The following FRMD3 variants were observed in gnomAD, a reference collection of about 807,000 sequenced individuals.
The protein encoded by FRMD3 is FERM domain-containing protein 3.
In FRMD3, 33 loss-of-function variants were observed where a neutral mutation model predicts 70.2. The ratio of observed to expected loss-of-function variants is 0.47; its 90% CI spans 0.36 to 0.63. The LOEUF is 0.63. Ranked by LOEUF, FRMD3 falls within the 20% of genes least tolerant of loss-of-function variation. FRMD3 has a pLI of 0.00. For synonymous variants in FRMD3, 279 were observed against 255.9 expected (o/e 1.09, Z -0.86); for missense variants, 632 against 711.4 (o/e 0.89, Z 1.27).
At chr9:83,533,434 C>T (rs1335919657) in intron 1 of FRMD3, among the ~76,000 whole-genome samples, 1 of 152,140 alleles carries the variant, frequency 6.6e-6, no homozygotes, top group Non-Finnish European at 1.5e-5. Flanking sequence ...TAAACTGTAG[C>T]ATCCATCTAA....
intron 3 of FRMD3, among the ~76,000 whole-genome samples, chr9:83,351,356 G>T: frequency 2.1e-5 from 1 of 47,500 alleles, no homozygotes; most frequent in Non-Finnish European, 4.9e-5. Flanking sequence ...ACACACACTA[G>T]AACTCTTTTC....
intron 13 of FRMD3, among the ~76,000 whole-genome samples, chr9:83,286,366 T>A (rs1453690515): frequency 6.6e-6 from 1 of 151,944 alleles, no homozygotes; most frequent in African/African-American, 2.4e-5. Context: ...AGTTTCGCTC[T>A]TGTTGCCCAG....
intron 1 of FRMD3, among the ~76,000 whole-genome samples, chr9:83,458,973 T>C (rs969176583): frequency 6.6e-6 from 1 of 152,248 alleles, no homozygotes; most frequent in African/African-American, 2.4e-5. Context: ...AGACATTTTG[T>C]TATACTCAGC....
In FRMD3 at chr9:83,530,279, C is replaced by T. The variant is rs555702698; in HGVS notation, c.147+7806G>A. ...ATCAACAAAATGTGATATATCTATG[C>T]AATGGACTGGACTACTATTCAACAA... On this transcript the variant is annotated intron_variant, in intron 1 of 13. Transcript: ENST00000304195. 2.0e-5 allele frequency among the ~76,000 whole-genome samples: 3 copies of T among 152,254 alleles called. No homozygotes were observed. In the East Asian group the frequency reaches 5.8e-4, roughly 29 times the overall value.
intron 6 of FRMD3, among the ~76,000 whole-genome samples, chr9:83,333,994 T>C (rs1823487498): frequency 1.3e-5 from 2 of 152,116 alleles, no homozygotes; most frequent in African/African-American, 4.8e-5. Context: ...AATAAGTGTA[T>C]ATTATTATCC....
At chr9:83,299,269 T>C in intron 10 of FRMD3, 83 bp from the exon 11 acceptor site, 1 of 775,348 alleles carries the variant, frequency 1.3e-6, no homozygotes, top group Non-Finnish European at 2.2e-6. Context: ...TGATGGGGTA[T>C]TTTTACTGCA....
chr9:83,351,680 AGTTACAT>A (rs1477821866), intron 3 of FRMD3, among the ~76,000 whole-genome samples: 162 of 121,712 alleles, frequency 1.3e-3, no homozygotes, highest in African/African-American at 5.1e-3. Context: ...GATGATTGAT[AGTTACAT>A]GATAGATAGA....
intron 5 of FRMD3, among the ~76,000 whole-genome samples, chr9:83,340,587 T>C (rs984816554): frequency 6.6e-6 from 1 of 152,180 alleles, no homozygotes; most frequent in African/African-American, 2.4e-5. Context: ...TCCTCTGTGG[T>C]GTTGTTTTGT....
rs558768142 is a variant in FRMD3, at chr9:83,317,992, T to A, written c.597-4245A>T. Among the ~76,000 whole-genome samples, 9 of 152,292 alleles carry A rather than the reference T, an allele frequency of 5.9e-5. No individual in the cohort carries two copies. In the South Asian group the frequency reaches 1.9e-3, roughly 32 times the overall value. ...AACCAGTAACCACGACTCCAACCTC[T>A]GCACAATAAGCAAAAGACTTAATAG... On this transcript the variant is annotated intron_variant, in intron 6 of 13. Coordinates refer to ENST00000304195, the MANE Select transcript of FRMD3 (RefSeq NM_174938.6).
At chr9:83,364,938 A>T (rs1172662792) in intron 3 of FRMD3, among the ~76,000 whole-genome samples, 1 of 152,224 alleles carries the variant, frequency 6.6e-6, no homozygotes, top group Non-Finnish European at 1.5e-5. Flanking sequence ...TATTCTATAA[A>T]TAATGGATTG....
At chr9:83,404,068 GCA>G (rs10552914) in intron 1 of FRMD3, among the ~76,000 whole-genome samples, 71,592 of 148,658 alleles carry the variant, frequency 0.48, 17,636 homozygotes, top group African/African-American at 0.64. Context: ...GCATACACAC[GCA>G]CACACACACA....
At chr9:83,298,714 A>G in intron 12 of FRMD3, 34 bp downstream of exon 12, 1 of 1,586,450 alleles carries the variant, frequency 6.3e-7, no homozygotes, top group Non-Finnish European at 8.7e-7. Flanking sequence ...CAGCTTTTAA[A>G]GCCACCTGGA....
chr9:83,345,698 A>G (rs932433655), intron 4 of FRMD3, among the ~76,000 whole-genome samples: 1 of 152,130 alleles, frequency 6.6e-6, no homozygotes, highest in East Asian at 1.9e-4. Flanking sequence ...CAGAAGTTAC[A>G]GTGAGCCGAG....
At chr9:83,357,263 A>T (rs868623067) in intron 3 of FRMD3, among the ~76,000 whole-genome samples, 6 of 63,038 alleles carry the variant, frequency 9.5e-5, no homozygotes, top group Non-Finnish European at 1.6e-4. Context: ...ATATATATAT[A>T]TATATATATA....
rs139415520 is a variant in FRMD3 at position 83,329,825 on chromosome 9, C to A, written c.596+5691G>T. On this transcript the variant is annotated intron_variant, in intron 6 of 13. Coordinates refer to ENST00000304195, the MANE Select transcript of FRMD3 (RefSeq NM_174938.6). ...TGATGACCTATGACTGAAGTTAATG[C>A]AAATGTCTCTGTCTCTAATGACAAA... Among the ~76,000 whole-genome samples the A allele has an allele frequency of 2.0e-5, 3 of 152,242 alleles. No individual in the cohort carries two copies. In the East Asian group the frequency reaches 5.8e-4, roughly 29 times the overall value.
At chr9:83,298,861 A>C in intron 11 of FRMD3, 45 bp from the exon 12 acceptor site, 1 of 1,558,524 alleles carries the variant, frequency 6.4e-7, no homozygotes, top group Non-Finnish European at 8.9e-7. Flanking sequence ...TAGTCAGAGA[A>C]GAATGGGAGG....
At chr9:83,465,962 T>C (rs981755784) in intron 1 of FRMD3, among the ~76,000 whole-genome samples, 1 of 152,204 alleles carries the variant, frequency 6.6e-6, no homozygotes, top group African/African-American at 2.4e-5. Context: ...ACTTAGACTG[T>C]TCTGGGACTT....
chr9:83,496,051 A>AG (rs1828935074), intron 1 of FRMD3, among the ~76,000 whole-genome samples: 1 of 152,232 alleles, frequency 6.6e-6, no homozygotes, highest in African/African-American at 2.4e-5. Flanking sequence ...CTTTAGAAGT[A>AG]TGAGACCTTC....
At chr9:83,259,690 A>G (rs1230977980) in intron 13 of FRMD3, among the ~76,000 whole-genome samples, 1 of 152,176 alleles carries the variant, frequency 6.6e-6, no homozygotes, top group Admixed American at 6.5e-5. Context: ...TTAGGGGGAC[A>G]CTGGACCTGA....
Sources: allele counts gnomAD v4.1 joint callset (sites outside exome capture counted in the v4.1 genomes callset), GRCh38; gene constraint gnomAD v4.1.1; transcripts MANE v1.5; gene names NCBI Gene and HGNC (gene_info 2026-07-23, HGNC 2026-07-21).